ENTPD5: variants seen among roughly 807,000 people sequenced by gnomAD.
The protein encoded by ENTPD5 is nucleoside diphosphate phosphatase ENTPD5.
In ENTPD5, 49 loss-of-function variants were observed where a neutral mutation model predicts 60.2. The observed-to-expected ratio is 0.81, with a 90% CI of 0.65 to 1.03. The LOEUF is 1.03. Ranked by LOEUF, ENTPD5 falls within the 50% of genes least tolerant of loss-of-function variation. The pLI, the probability that ENTPD5 is intolerant of heterozygous loss-of-function variation, is 0.00. For synonymous variants in ENTPD5, 187 were observed against 185.4 expected, an observed-to-expected ratio of 1.01 and a Z score of -0.07; for missense variants, 480 against 507.6, an observed-to-expected ratio of 0.95 and a Z score of 0.52.
chr14:73,993,144 T>C (rs1262438205), intron 3 of ENTPD5, among the ~76,000 whole-genome samples: 2 of 152,016 alleles, frequency 1.3e-5, no homozygotes, highest in Non-Finnish European at 1.5e-5. Flanking sequence ...CGAGACCAGC[T>C]TGGGCAACAT....
downstream of ENTPD5, chr14:73,960,385 T>C (rs192411372): frequency 7.1e-6 from 7 of 987,592 alleles, no homozygotes; most frequent in Admixed American, 3.6e-4. Flanking sequence ...CTTTGGATAA[T>C]ATGGGTACCA....
rs776828157 is a variant in ENTPD5 at position 73,975,945 on chromosome 14, T to C, written c.713A>G (p.Tyr238Cys). 1 of 1,611,330 alleles carries C rather than the reference T, an allele frequency of 6.2e-7. No individual in the cohort carries two copies. The highest frequency in any genetic ancestry group is 2.2e-5 in the East Asian group (1 of 44,876). ...CTGTCCCCGTCCTCACCTATGTGTA[T>C]AGAGCTTATAAGTGCTGTTAAACAT... Reference protein sequence around the residue: ...FEMFNSTYKLYTHSYLGFGLK... With the variant: ...FEMFNSTYKLCTHSYLGFGLK... Residue 238 changes from tyrosine to cysteine, a missense_variant, in exon 10 of 16, where the codon TAT (tyrosine) becomes TGT (cysteine). Physicochemically the swap from Tyr to Cys is radical, Grantham distance 194. Transcript: ENST00000334696.
chr14:74,016,771 T>A (rs990919272), intron 1 of ENTPD5, among the ~76,000 whole-genome samples: 1 of 152,242 alleles, frequency 6.6e-6, no homozygotes, highest in African/African-American at 2.4e-5. Flanking sequence ...TATGTTCAAA[T>A]GAGGAGTCTT....
intron 6 of ENTPD5, among the ~76,000 whole-genome samples, chr14:73,978,262 C>T (rs904753699): frequency 6.7e-6 from 1 of 148,316 alleles, no homozygotes; most frequent in South Asian, 2.1e-4. Flanking sequence ...GCAGCCAGAA[C>T]GGTGCTTTAA....
chr14:73,955,718 T>A, downstream of ENTPD5: 2 of 1,590,928 alleles, frequency 1.3e-6, no homozygotes, highest in Non-Finnish European at 1.7e-6. Flanking sequence ...GATTTTCTGC[T>A]CTGTCACTTG....
At chr14:73,989,419 C>T (rs1425570714) in intron 3 of ENTPD5, among the ~76,000 whole-genome samples, 6 of 147,580 alleles carry the variant, frequency 4.1e-5, no homozygotes, top group Admixed American at 2.0e-4. Flanking sequence ...AAAATTAGGC[C>T]GGGCGCGGTG....
intron 12 of ENTPD5, 105 bp from the exon 13 acceptor site, chr14:73,973,129 A>G: frequency 7.2e-7 from 1 of 1,380,470 alleles, no homozygotes. Context: ...CAGGAAGGTC[A>G]AGGAAAGCAG....
At chr14:73,982,397 A>G (rs1461050364) in intron 6 of ENTPD5, among the ~76,000 whole-genome samples, 1 of 152,080 alleles carries the variant, frequency 6.6e-6, no homozygotes, top group Non-Finnish European at 1.5e-5. Context: ...ATTTTATTGT[A>G]TGTAAGTTTA....
chr14:73,967,173 A>T (rs2057011773), intron 15 of ENTPD5, among the ~76,000 whole-genome samples, 159 bp from the exon 16 acceptor site: 1 of 152,206 alleles, frequency 6.6e-6, no homozygotes, highest in Non-Finnish European at 1.5e-5. Flanking sequence ...ACTCTGTAAC[A>T]ATTTCCTTCC....
intron 3 of ENTPD5, among the ~76,000 whole-genome samples, chr14:73,999,417 C>A (rs545022064): frequency 6.6e-6 from 1 of 151,784 alleles, no homozygotes; most frequent in African/African-American, 2.4e-5. Flanking sequence ...GAACTCAGGA[C>A]GCAGAGGTTG....
chr14:74,004,963 G>T (rs569608443), intron 3 of ENTPD5, among the ~76,000 whole-genome samples: 2 of 152,038 alleles, frequency 1.3e-5, no homozygotes, highest in Admixed American at 1.3e-4. Flanking sequence ...GTAATATTTT[G>T]TGGGGTTTTT....
chr14:74,018,351 A>G (rs2059124138), intron 1 of ENTPD5: 1 of 152,164 alleles, frequency 6.6e-6, no homozygotes, highest in African/African-American at 2.4e-5. Context: ...TCCCTAGAGA[A>G]ATGGTGACGA....
At position 73,966,189 on chromosome 14, in the gene ENTPD5, G is replaced by C. The variant is rs931129997; in HGVS notation, c.*739C>G. The C allele has an allele frequency of 7.9e-5, 12 of 152,196 alleles. No individual in the cohort carries two copies. Among genetic ancestry groups the C allele is most frequent in the African/African-American group, 2.9e-4 (12 of 41,442 alleles). The allele number at this position is 152,196 out of a possible 1,614,324, so 9.4% of individuals were successfully genotyped here. A position where few individuals can be genotyped will look rare whatever the true frequency, so the allele number is the denominator to read the frequency against. ...GAATATACACATACCCATAAAGTCG[G>C]ATATGTTCATTAATCCCAGAGTTGA... On this transcript the variant is annotated 3_prime_UTR_variant, in exon 16 of 16. Coordinates refer to ENST00000334696, the MANE Select transcript of ENTPD5 (RefSeq NM_001249.5).
chr14:73,978,492 C>T (rs762508747), intron 6 of ENTPD5, among the ~76,000 whole-genome samples: 1 of 151,766 alleles, frequency 6.6e-6, no homozygotes, highest in African/African-American at 2.4e-5. Flanking sequence ...TCCCAGCTAC[C>T]TGGGAGGCTG....
chr14:73,996,700 T>A (rs148499575), intron 3 of ENTPD5: 1 of 152,116 alleles, frequency 6.6e-6, no homozygotes, highest in Non-Finnish European at 1.5e-5. Context: ...TCTTAGCACT[T>A]TGGAAGGTCG....
At chr14:73,977,987 G>A (rs2057515356) in intron 6 of ENTPD5, among the ~76,000 whole-genome samples, 2 of 152,098 alleles carry the variant, frequency 1.3e-5, no homozygotes, top group Admixed American at 1.3e-4. Flanking sequence ...AATGTCTTAT[G>A]TTTATATAAT....
At chr14:73,976,477 T>G (rs536649196) in intron 8 of ENTPD5, 65 bp from the exon 9 acceptor site, 1 of 1,292,144 alleles carries the variant, frequency 7.7e-7, no homozygotes, top group Non-Finnish European at 1.1e-6. Flanking sequence ...TTGTCTCTCT[T>G]GCTCTTATCA....
chr14:73,958,669 C>G, downstream of ENTPD5: 1 of 1,320,222 alleles, frequency 7.6e-7, no homozygotes, highest in African/African-American at 1.5e-5. Context: ...CTATTCAGCT[C>G]CAGTGTGTGC....
At chr14:73,991,623 A>C (rs1270427092) in intron 3 of ENTPD5, among the ~76,000 whole-genome samples, 1 of 135,846 alleles carries the variant, frequency 7.4e-6, no homozygotes, top group Admixed American at 7.7e-5. Flanking sequence ...AAAAAAAAAA[A>C]AAACAATTAG....
Sources: allele counts gnomAD v4.1 joint callset (sites outside exome capture counted in the v4.1 genomes callset), GRCh38; gene constraint gnomAD v4.1.1; transcripts MANE v1.5; gene names NCBI Gene and HGNC (gene_info 2026-07-23, HGNC 2026-07-21).